SLIT3: variants seen among roughly 807,000 people sequenced by gnomAD.
SLIT3 encodes slit guidance ligand 3.
Under a neutral mutation model 184.0 loss-of-function variants are expected in SLIT3, and 68 were observed. That is an observed-to-expected ratio of 0.37 (90% CI 0.30 to 0.45). The LOEUF (loss-of-function observed/expected upper bound fraction) is 0.45, where lower values mean the gene tolerates loss of function less well. SLIT3 is among the 20% of genes least tolerant of loss of function. The pLI is 1.00. For synonymous variants in SLIT3, 831 were observed against 828.6 expected (o/e 1.00, Z -0.05); for missense variants, 1,707 against 2,026.0 (o/e 0.84, Z 3.02).
intron 4 of SLIT3, among the ~76,000 whole-genome samples, chr5:169,058,404 A>C (rs1382583859): frequency 1.3e-5 from 2 of 152,214 alleles, no homozygotes; most frequent in African/African-American, 4.8e-5. Context: ...AGTTAGAAAG[A>C]AACTAGATCT....
chr5:168,768,386 C>T, intron 14 of SLIT3: 2 of 442,654 alleles, frequency 4.5e-6, no homozygotes, highest in South Asian at 3.2e-5. Context: ...CACTGGAACA[C>T]TTCCGAAGAT....
rs575963904 is a variant in SLIT3 at position 168,946,901 on chromosome 5, T to A, written c.414-63565A>T. On this transcript the variant is annotated intron_variant, in intron 4 of 35. Coordinates refer to ENST00000519560, the MANE Select transcript of SLIT3 (RefSeq NM_003062.4). ...AAAGCCTTTTATCAGCTCCATCTGA[T>A]GATAGAGAACAGGTTTCTGGAACTA... Among the ~76,000 whole-genome samples the A allele has an allele frequency of 2.0e-5, 3 of 152,364 alleles. No individual in the cohort carries two copies. In the South Asian group the frequency reaches 6.2e-4, roughly 32 times the overall value.
chr5:168,689,082 C>A (rs1033596916), intron 29 of SLIT3, among the ~76,000 whole-genome samples: 3 of 152,236 alleles, frequency 2.0e-5, no homozygotes, highest in African/African-American at 4.8e-5. Flanking sequence ...ACCAGCAAGT[C>A]TCAAACTTTA....
At chr5:169,057,904 T>C (rs77809775) in intron 4 of SLIT3, among the ~76,000 whole-genome samples, 8 of 152,198 alleles carry the variant, frequency 5.3e-5, no homozygotes, top group Non-Finnish European at 7.4e-5. Flanking sequence ...CTTTCTTTTA[T>C]GGGGAAGGTG....
At chr5:169,003,375 C>T (rs1755788789) in intron 4 of SLIT3, among the ~76,000 whole-genome samples, 1 of 152,162 alleles carries the variant, frequency 6.6e-6, no homozygotes, top group African/African-American at 2.4e-5. Flanking sequence ...GTCTGCAGTA[C>T]CCTCTGTGGG....
Position 169,300,794 on chromosome 5 carries a change from C to A in SLIT3, c.-85G>T, listed in dbSNP as rs890034162. ...CGAGGAGGCGCGCGGGGAGCGCGGG[C>A]GGCCTGGGGAGCGGGCGGCGGAGTT... is the stretch of plus-strand genomic sequence containing the variant. On this transcript the variant is annotated 5_prime_UTR_variant, in exon 1 of 36. Transcript: ENST00000519560. The surrounding 1 kb of genome is among the most constrained non-coding windows in gnomAD (Gnocchi z 4.1). 47 of 1,224,106 alleles carry A rather than the reference C, an allele frequency of 3.8e-5. No individual in the cohort carries two copies. The highest frequency in any genetic ancestry group is 4.6e-5 in the Non-Finnish European group (45 of 981,548). The allele number at this position is 1,224,106 out of a possible 1,614,324, so 75.8% of individuals were successfully genotyped here.
chr5:168,736,872 G>A (rs1763453967), intron 20 of SLIT3, among the ~76,000 whole-genome samples: 1 of 152,228 alleles, frequency 6.6e-6, no homozygotes, highest in Non-Finnish European at 1.5e-5. Flanking sequence ...ATAGTCTGCT[G>A]CTTATTGGCA....
intron 26 of SLIT3, among the ~76,000 whole-genome samples, chr5:168,705,924 T>C (rs1224885491): frequency 1.3e-5 from 2 of 152,206 alleles, no homozygotes; most frequent in East Asian, 1.9e-4. Flanking sequence ...AAGCTGATTA[T>C]AAAAATCAGA....
At chr5:169,088,703 C>A (rs1460246174) in intron 4 of SLIT3, among the ~76,000 whole-genome samples, 1 of 152,058 alleles carries the variant, frequency 6.6e-6, no homozygotes, top group African/African-American at 2.4e-5. Flanking sequence ...TTGAGGAATA[C>A]CGATTCCAGG....
intron 4 of SLIT3, among the ~76,000 whole-genome samples, chr5:169,163,442 A>C (rs1239256901): frequency 6.6e-6 from 1 of 152,248 alleles, no homozygotes; most frequent in Non-Finnish European, 1.5e-5. Context: ...GTTGCACTTA[A>C]GATACATGAG....
intron 4 of SLIT3, among the ~76,000 whole-genome samples, chr5:169,035,419 G>A (rs1369484296): frequency 6.6e-6 from 1 of 152,072 alleles, no homozygotes; most frequent in Non-Finnish European, 1.5e-5. Flanking sequence ...GGAGGCCGAG[G>A]CAGGTGGATC....
At chr5:169,166,798 A>G (rs1762652051) in intron 4 of SLIT3, among the ~76,000 whole-genome samples, 1 of 152,196 alleles carries the variant, frequency 6.6e-6, no homozygotes, top group African/African-American at 2.4e-5. Context: ...TTTGTGTATG[A>G]TCCCATGTCA....
At chr5:168,859,665 C>T (rs571062399) in intron 5 of SLIT3, among the ~76,000 whole-genome samples, 1 of 152,346 alleles carries the variant, frequency 6.6e-6, no homozygotes, top group Admixed American at 6.5e-5. Flanking sequence ...CTGACAACTA[C>T]TTTTCAATGA....
At chr5:168,750,528 C>G (rs1170246779) in intron 18 of SLIT3, among the ~76,000 whole-genome samples, 1 of 152,196 alleles carries the variant, frequency 6.6e-6, no homozygotes, top group Non-Finnish European at 1.5e-5. Context: ...AGTCCAGGCT[C>G]TGACACTCAG....
chr5:168,893,039 A>ACAC (rs1243363746), intron 4 of SLIT3, among the ~76,000 whole-genome samples: 2 of 152,334 alleles, frequency 1.3e-5, no homozygotes, highest in Admixed American at 1.3e-4. Context: ...CTCATTATAT[A>ACAC]CACTTCAGGG....
chr5:169,033,286 CT>C (rs988056714), intron 4 of SLIT3, among the ~76,000 whole-genome samples: 3 of 152,070 alleles, frequency 2.0e-5, no homozygotes, highest in African/African-American at 7.2e-5. Flanking sequence ...AAGGCAAGAT[CT>C]TTTTTAGGGC....
At chr5:168,842,233 C>T (rs1282543259) in intron 6 of SLIT3, among the ~76,000 whole-genome samples, 1 of 151,990 alleles carries the variant, frequency 6.6e-6, no homozygotes, top group Non-Finnish European at 1.5e-5. Context: ...AATTAAAAAC[C>T]CATGGAATAA....
intron 3 of SLIT3, among the ~76,000 whole-genome samples, chr5:169,227,650 A>C (rs910654065): frequency 1.1e-4 from 17 of 152,294 alleles, no homozygotes; most frequent in Admixed American, 1.1e-3. Flanking sequence ...CTGGTCTCAA[A>C]GTGACCTCAA....
At chr5:169,149,134 C>G (rs1762031368) in intron 4 of SLIT3, among the ~76,000 whole-genome samples, 1 of 152,140 alleles carries the variant, frequency 6.6e-6, no homozygotes, top group East Asian at 1.9e-4. Context: ...AGTCCGATCT[C>G]CTAAAACAGA....
Sources: gnomAD v4.1 joint callset for allele counts (sites outside exome capture counted in the v4.1 genomes callset) on GRCh38, gnomAD v4.1.1 for gene constraint, Gnocchi (gnomAD v3.1) non-coding constraint, MANE v1.5 for transcripts, NCBI Gene and HGNC (gene_info 2026-07-23, HGNC 2026-07-21) for gene names.